Variants in LRRC51 observed in about 807,000 individuals in gnomAD.
LRRC51 encodes leucine-rich repeat-containing protein 51.
In LRRC51, 8 loss-of-function variants were observed where a neutral mutation model predicts 17.8. That is an observed-to-expected ratio of 0.45 (90% CI 0.26 to 0.81). The LOEUF is 0.81. Ranked by LOEUF, LRRC51 falls within the 30% of genes least tolerant of loss-of-function variation. The pLI, the probability that LRRC51 is intolerant of heterozygous loss-of-function variation, is 0.17. For missense variants in LRRC51, 233 were observed against 239.3 expected (o/e 0.97, Z 0.17); for synonymous variants, 92 against 96.0 (o/e 0.96, Z 0.24).
chr11:72,095,511 T>C lies in LRRC51; in HGVS notation c.570T>C (p.Asn190=). Residue 190 remains asparagine (N), a synonymous_variant, in exon 6 of 6, where the codon AAT becomes AAC. Transcript: ENST00000289488. ...IKPKKAWTKQ[N]TL is the part of the protein sequence containing the mutation. ...CCAAGAAGGCCTGGACCAAGCAGAA[T>C]ACACTTTGAGGCTCCCACGACCCTA... 1 of 1,613,862 alleles carries C rather than the reference T, an allele frequency of 6.2e-7. No homozygotes were observed. The highest frequency in any genetic ancestry group is 8.5e-7 in the Non-Finnish European group (1 of 1,179,890).
chr11:72,089,095 G>A lies in LRRC51; in HGVS notation c.12G>A (p.Arg4=). 1 of 1,613,926 alleles carries A rather than the reference G, an allele frequency of 6.2e-7. No homozygotes were observed. The change falls in exon 3 of 6, where the codon CGG becomes CGA. Residue 4 remains arginine (R), a synonymous_variant. Coordinates refer to ENST00000289488, the MANE Select transcript of LRRC51 (RefSeq NM_145309.6). ...TGATGGCCTGAACTATGAACAAACG[G>A]GACTATATGAACACTTCGGTACAGG... MNK[R]DYMNTSVQEP... is the part of the protein sequence containing the mutation.
chr11:72,083,648 G>A (rs1170609223), intron 1 of LRRC51: 1 of 152,144 alleles, frequency 6.6e-6, no homozygotes, highest in African/African-American at 2.4e-5. Context: ...TGTTACGAGT[G>A]CTACCATGGC....
In LRRC51 at chr11:72,095,740, T is replaced by C; in HGVS notation, c.*220T>C. The stretch of plus-strand genomic sequence containing the variant: ...CAGGCTGGAGTGCAGTGGCACGATC[T>C]TGGCTCACTGCAACCTCAGCCTCCC... On this transcript the variant is annotated 3_prime_UTR_variant, in exon 6 of 6. Coordinates refer to ENST00000289488, the MANE Select transcript of LRRC51 (RefSeq NM_145309.6). The C allele has an allele frequency of 8.2e-7, 1 of 1,216,788 alleles. No individual in the cohort carries two copies. The highest frequency in any genetic ancestry group is 1.6e-5 in the South Asian group (1 of 63,768). The allele number at this position is 1,216,788 out of a possible 1,614,324, so 75.4% of individuals were successfully genotyped here.
At chr11:72,083,156 C>T (rs775279017) in intron 1 of LRRC51, among the ~76,000 whole-genome samples, 4 of 152,196 alleles carry the variant, frequency 2.6e-5, no homozygotes, top group East Asian at 1.9e-4. Context: ...TGAGCCGCCA[C>T]GCCCAGCCAG....
chr11:72,089,562 G>A (rs1944739756), intron 3 of LRRC51: 1 of 1,205,064 alleles, frequency 8.3e-7, no homozygotes, highest in East Asian at 5.7e-5. Flanking sequence ...CCTGAAGAGA[G>A]GAGGAAAACA....
chr11:72,083,921 G>A (rs1944383467), intron 1 of LRRC51: 1 of 152,222 alleles, frequency 6.6e-6, no homozygotes, highest in Non-Finnish European at 1.5e-5. Context: ...GGGTGGACAG[G>A]AGCCAGGTTG....
Position 72,095,391 on chromosome 11 carries a change from G to C in LRRC51, c.450G>C (p.Leu150=), listed in dbSNP as rs2136544181. ...GTCTTCCCCACAGGCAATATGTGCT[G>C]TGCACCCTGTCCCGTATCACCACGT... ...EEEKGYRQYV[L]CTLSRITTFD... is the part of the protein sequence containing the mutation. Residue 150 remains leucine, a synonymous_variant, in exon 6 of 6, where the codon CTG becomes CTC. Transcript: ENST00000289488. The C allele has an allele frequency of 6.2e-7, 1 of 1,614,092 alleles. No homozygotes were observed. The highest frequency in any genetic ancestry group is 8.5e-7 in the Non-Finnish European group (1 of 1,180,022).
At chr11:72,091,378 C>T (rs1164971980) in intron 3 of LRRC51, among the ~76,000 whole-genome samples, 2 of 152,096 alleles carry the variant, frequency 1.3e-5, no homozygotes, top group Non-Finnish European at 2.9e-5. Context: ...CCTCCTGCAA[C>T]CCCAGGCCCC....
Position 72,089,044 on chromosome 11 carries a change from C to G in LRRC51, c.-40C>G, listed in dbSNP as rs1188632272. On this transcript the variant is annotated 5_prime_UTR_variant, in exon 3 of 6. Transcript: ENST00000289488. ...GTCCTCCCAGGCTGAACCCAGACTC[C>G]CAGGGCACCTGCTTGCACCTTTGAA... is the stretch of plus-strand genomic sequence containing the variant. 3 of 1,612,260 alleles carry G rather than the reference C, an allele frequency of 1.9e-6. No individual in the cohort carries two copies. Among genetic ancestry groups the G allele is most frequent in the Non-Finnish European group, 2.5e-6 (3 of 1,179,834 alleles).
chr11:72,088,749 T>C (rs2136501294), intron 2 of LRRC51: 2 of 512,626 alleles, frequency 3.9e-6, no homozygotes, highest in Non-Finnish European at 7.1e-6. Flanking sequence ...TCTGGGCAAG[T>C]CCTTTTACCC....
rs763979812 is a variant in LRRC51 at position 72,093,588 on chromosome 11, A to C, written c.175A>C (p.Asn59His). Residue 59 changes from asparagine to histidine, a missense_variant, in exon 4 of 6, where the codon AAT (asparagine) becomes CAT (histidine). By Grantham distance (68) the Asn-to-His change is moderately conservative. Coordinates refer to ENST00000289488, the MANE Select transcript of LRRC51 (RefSeq NM_145309.6). ...GACCCAGTCCCTGTGGCTGAATAAC[A>C]ATGTTCTCAATGATCTGAGAGACTT... is the stretch of plus-strand genomic sequence containing the variant. ...SLTQSLWLNN[N>H]VLNDLRDFNQ... 9.9e-6 allele frequency: 16 copies of C among 1,614,084 alleles called. No homozygotes were observed. The highest frequency in any genetic ancestry group is 1.4e-5 in the Non-Finnish European group (16 of 1,180,050).
At position 72,095,458 on chromosome 11, in the gene LRRC51, G is replaced by C. The variant is rs1418146097; in HGVS notation, c.517G>C (p.Glu173Gln). 1.2e-6 allele frequency: 2 copies of C among 1,614,124 alleles called. No individual in the cohort carries two copies. Among genetic ancestry groups the C allele is most frequent in the Non-Finnish European group, 8.5e-7 (1 of 1,180,020 alleles). Residue 173 changes from glutamate (E) to glutamine (Q), a missense_variant, in exon 6 of 6, where the codon GAA becomes CAA. Transcript: ENST00000289488. ...GVTKADRTTA[E>Q]VWKRMNIKPK... ...CACCAAAGCAGACCGCACCACAGCT[G>C]AAGTCTGGAAACGCATGAACATCAA... is the stretch of plus-strand genomic sequence containing the variant.
chr11:72,087,440 A>G (rs1944604348), intron 1 of LRRC51, among the ~76,000 whole-genome samples: 1 of 151,994 alleles, frequency 6.6e-6, no homozygotes, highest in Non-Finnish European at 1.5e-5. Flanking sequence ...CTCCCGAGTA[A>G]TAAATTCCAT....
Position 72,096,609 on chromosome 11 carries a change from G to T in LRRC51, c.*1089G>T. 1 of 1,482,104 alleles carries T rather than the reference G, an allele frequency of 6.7e-7. No homozygotes were observed. Among genetic ancestry groups the T allele is most frequent in the Non-Finnish European group, 9.0e-7 (1 of 1,115,030 alleles). 91.8% of individuals were successfully genotyped at this position (1,482,104 alleles called of 1,614,324 possible). A position where few individuals can be genotyped will look rare whatever the true frequency, so the allele number is the denominator to read the frequency against. On this transcript the variant is annotated 3_prime_UTR_variant, in exon 6 of 6. Transcript: ENST00000289488. ...CCTGCTGGCCTGGGACACTGGAGAC[G>T]TGGGTTTACCACACAGCCTTGGGAA...
At chr11:72,082,856 C>G (rs1033973578) in intron 1 of LRRC51, among the ~76,000 whole-genome samples, 2 of 151,966 alleles carry the variant, frequency 1.3e-5, no homozygotes, top group African/African-American at 2.4e-5. Flanking sequence ...CTCTCTACCC[C>G]ACCCCCAATT....
intron 1 of LRRC51, among the ~76,000 whole-genome samples, chr11:72,087,137 T>C (rs1035193237): frequency 2.0e-5 from 3 of 152,220 alleles, no homozygotes; most frequent in Middle Eastern, 3.2e-3. Flanking sequence ...CTGGTACTGC[T>C]ATTTTTTCAG....
At chr11:72,084,247 A>C (rs1255887175) in intron 1 of LRRC51, among the ~76,000 whole-genome samples, 1 of 152,124 alleles carries the variant, frequency 6.6e-6, no homozygotes, top group Non-Finnish European at 1.5e-5. Flanking sequence ...CAGGCTGTTG[A>C]ATCTCCTATC....
At chr11:72,089,693 A>G in intron 3 of LRRC51, 1 of 843,502 alleles carries the variant, frequency 1.2e-6, no homozygotes, top group Non-Finnish European at 1.5e-6. Flanking sequence ...TTTCCAGTTT[A>G]AATACTTACT....
At chr11:72,087,370 C>T (rs1168843206) in intron 1 of LRRC51, among the ~76,000 whole-genome samples, 2 of 144,724 alleles carry the variant, frequency 1.4e-5, no homozygotes, top group Admixed American at 7.3e-5. Flanking sequence ...AGTGCAGTGG[C>T]ACAATTATAG....
Sources: allele counts gnomAD v4.1 joint callset (sites outside exome capture counted in the v4.1 genomes callset), GRCh38; gene constraint gnomAD v4.1.1; transcripts MANE v1.5; gene names NCBI Gene and HGNC (gene_info 2026-07-23, HGNC 2026-07-21).